Variants in TCF12 observed in about 807,000 individuals in gnomAD.
The protein encoded by TCF12 is transcription factor 12, also known as DNA-binding protein HTF4.
TCF12 carries 45 observed loss-of-function variants against 86.0 expected under a neutral mutation model. The observed-to-expected ratio is 0.52, with a 90% confidence interval of 0.41 to 0.67. The LOEUF is 0.67. TCF12 is among the 30% of genes least tolerant of loss of function. TCF12 has a pLI of 0.00. For missense variants in TCF12, 881 were observed against 859.9 expected (o/e 1.02, Z -0.31); for synonymous variants, 330 against 299.6 (o/e 1.10, Z -1.05).
rs546766054 is a variant in TCF12, at chr15:57,052,614, G to A, written c.149-11136G>A. ...ATTGCACCATTGCACTCCAGCCTGG[G>A]TGACAGAGCGAGACTCCATCTCAAA... On this transcript the variant is annotated intron_variant, in intron 3 of 20. Transcript: ENST00000333725. Among the ~76,000 whole-genome samples the A allele has an allele frequency of 8.8e-5, 13 of 147,082 alleles. No homozygotes were observed. The East Asian group carries it at 2.2e-3, about 25-fold the overall frequency.
chr15:57,230,595 A>G (rs1437149440), intron 8 of TCF12, among the ~76,000 whole-genome samples: 1 of 152,040 alleles, frequency 6.6e-6, no homozygotes, highest in Admixed American at 6.6e-5. Flanking sequence ...GTGTACTGGA[A>G]ATGTGTTTTT....
intron 3 of TCF12, among the ~76,000 whole-genome samples, chr15:57,037,596 A>C (rs1210697778): frequency 6.6e-6 from 1 of 152,198 alleles, no homozygotes; most frequent in Non-Finnish European, 1.5e-5. Flanking sequence ...TCTTGGTAGC[A>C]ATTTTGACTG....
At chr15:56,944,795 C>T (rs1413309797) in intron 3 of TCF12, among the ~76,000 whole-genome samples, 4 of 152,068 alleles carry the variant, frequency 2.6e-5, no homozygotes, top group Admixed American at 2.6e-4. Flanking sequence ...AAATATGATA[C>T]AGACTGTGTA....
chr15:57,175,980 G>A (rs1397933561), intron 6 of TCF12, among the ~76,000 whole-genome samples: 1 of 152,124 alleles, frequency 6.6e-6, no homozygotes, highest in African/African-American at 2.4e-5. Flanking sequence ...CAAGCAGAGG[G>A]TAGACATCTA....
At chr15:57,231,513 A>G (rs1230886812) in intron 9 of TCF12, among the ~76,000 whole-genome samples, 3 of 152,152 alleles carry the variant, frequency 2.0e-5, no homozygotes, top group South Asian at 4.1e-4. Context: ...AGAAAAATTA[A>G]TAGAGCTGTT....
At chr15:57,080,957 G>C (rs988935064) in intron 4 of TCF12, among the ~76,000 whole-genome samples, 15 of 152,172 alleles carry the variant, frequency 9.9e-5, no homozygotes, top group Admixed American at 3.3e-4. Flanking sequence ...CCTTGGGCAA[G>C]AGAAAAGTTC....
intron 3 of TCF12, among the ~76,000 whole-genome samples, chr15:56,931,671 T>C (rs541938368): frequency 2.6e-5 from 4 of 152,334 alleles, no homozygotes; most frequent in Admixed American, 2.0e-4. Flanking sequence ...TCCTGAAATA[T>C]ACTCATTACA....
At chr15:57,158,834 A>G (rs140169742) in intron 5 of TCF12, among the ~76,000 whole-genome samples, 61 of 152,342 alleles carry the variant, frequency 4.0e-4, no homozygotes, top group African/African-American at 1.4e-3. Context: ...AGAGGAGGGC[A>G]TAGAGAGTCC....
rs2059189017 is a variant in TCF12 at position 57,232,621 on chromosome 15, A to G, written c.826-91A>G. 6 of 1,470,172 alleles carry G rather than the reference A, an allele frequency of 4.1e-6. No individual in the cohort carries two copies. In the East Asian group the frequency reaches 1.5e-4, roughly 36 times the overall value. 91.1% of individuals were successfully genotyped at this position (1,470,172 alleles called of 1,614,324 possible). On this transcript the variant is annotated intron_variant, in intron 10 of 20. Transcript: ENST00000333725. ...AGTGCTCTTTAGCTGTAACTTGTAA[A>G]TGCTCTTTTTGACCTGTTATCATAG... is the stretch of plus-strand genomic sequence containing the variant.
chr15:57,272,696 T>A (rs545917182), intron 18 of TCF12, among the ~76,000 whole-genome samples: 1 of 152,234 alleles, frequency 6.6e-6, no homozygotes, highest in Non-Finnish European at 1.5e-5. Context: ...TGCTGCTGAT[T>A]TGTGGATCAC....
chr15:57,154,798 AT>A (rs1212574794), intron 5 of TCF12, among the ~76,000 whole-genome samples: 1 of 152,070 alleles, frequency 6.6e-6, no homozygotes, highest in Non-Finnish European at 1.5e-5. Flanking sequence ...CTAGAATCTA[AT>A]TTTTTTCTCT....
At chr15:57,239,465 G>T (rs904054317) in intron 12 of TCF12, among the ~76,000 whole-genome samples, 3 of 147,312 alleles carry the variant, frequency 2.0e-5, no homozygotes, top group Non-Finnish European at 3.0e-5. Flanking sequence ...GCAGTGAGCC[G>T]AGATCGTGCC....
chr15:57,276,788 T>C (rs76644504), intron 19 of TCF12, among the ~76,000 whole-genome samples: 3,756 of 145,134 alleles, frequency 0.026, 169 homozygotes, highest in African/African-American at 0.085. Context: ...TAGAATTCTT[T>C]TTTTTTTCTT....
chr15:57,138,417 TAAA>T (rs2052712064), intron 5 of TCF12, among the ~76,000 whole-genome samples: 1 of 152,216 alleles, frequency 6.6e-6, no homozygotes, highest in Admixed American at 6.5e-5. Context: ...ATTCCTGGCT[TAAA>T]ACCTTCAGAA....
At chr15:57,284,947 A>T (rs530542874) in intron 20 of TCF12, among the ~76,000 whole-genome samples, 5 of 152,388 alleles carry the variant, frequency 3.3e-5, no homozygotes, top group African/African-American at 1.2e-4. Context: ...TCAAAAAAGG[A>T]TCAAGAATTC....
At chr15:56,939,967 G>GTTTTTTTTTTTTTTTTTTTTTTTTTTTTT (rs67832685) in intron 3 of TCF12, among the ~76,000 whole-genome samples, 1 of 104,752 alleles carries the variant, frequency 9.5e-6, no homozygotes, top group Non-Finnish European at 1.8e-5. Flanking sequence ...TTAATAGCGT[G>GTTTTTTTTTTTTTTTTTTTTTTTTTTTTT]TTTTTTTTTT....
chr15:57,240,355 C>T (rs758573604), intron 12 of TCF12, among the ~76,000 whole-genome samples: 7 of 152,194 alleles, frequency 4.6e-5, no homozygotes, highest in Admixed American at 2.6e-4. Flanking sequence ...ATGAAGAATA[C>T]GAAAGAAGGA....
At chr15:57,025,794 C>G (rs1195377780) in intron 3 of TCF12, among the ~76,000 whole-genome samples, 3 of 152,152 alleles carry the variant, frequency 2.0e-5, no homozygotes, top group African/African-American at 7.2e-5. Context: ...TAGAATGAAA[C>G]CTTAAACTGT....
intron 3 of TCF12, among the ~76,000 whole-genome samples, chr15:57,021,298 A>C (rs1419105149): frequency 6.6e-6 from 1 of 152,242 alleles, no homozygotes; most frequent in African/African-American, 2.4e-5. Flanking sequence ...CCATTGTGTC[A>C]TGCTGAAATG....
Sources: gnomAD v4.1 joint callset for allele counts (sites outside exome capture counted in the v4.1 genomes callset) on GRCh38, gnomAD v4.1.1 for gene constraint, MANE v1.5 for transcripts, NCBI Gene and HGNC (gene_info 2026-07-23, HGNC 2026-07-21) for gene names.